Variants in SRRM3 observed in about 807,000 individuals in gnomAD.
SRRM3 encodes serine/arginine repetitive matrix protein 3.
Under a neutral mutation model 66.2 loss-of-function variants are expected in SRRM3, and 27 were observed. The observed-to-expected ratio is 0.41, with a 90% CI of 0.30 to 0.56. The LOEUF (loss-of-function observed/expected upper bound fraction) is 0.56. SRRM3 is among the 20% of genes least tolerant of loss of function. The pLI, the probability that SRRM3 is intolerant of heterozygous loss-of-function variation, is 0.32. For synonymous variants in SRRM3, 391 were observed against 414.9 expected, an observed-to-expected ratio of 0.94 and a Z score of 0.70; for missense variants, 918 against 991.9, an observed-to-expected ratio of 0.93 and a Z score of 1.00.
chr7:76,235,525 T>A (rs1801123306), intron 2 of SRRM3, among the ~76,000 whole-genome samples: 1 of 152,202 alleles, frequency 6.6e-6, no homozygotes, highest in Non-Finnish European at 1.5e-5. Flanking sequence ...GTCCAGCTCA[T>A]CTTTCATTTA....
chr7:76,234,448 G>A (rs1214889209), intron 1 of SRRM3, among the ~76,000 whole-genome samples: 2 of 152,250 alleles, frequency 1.3e-5, no homozygotes, highest in Non-Finnish European at 2.9e-5. Flanking sequence ...TGTTGGCTTT[G>A]GAGAAGTTGG....
chr7:76,248,265 G>C lies in SRRM3; in HGVS notation c.311G>C (p.Arg104Thr), dbSNP rs367848599. The C allele has an allele frequency of 9.3e-6, 15 of 1,613,718 alleles. No homozygotes were observed. In the African/African-American group the frequency reaches 1.7e-4, roughly 19 times the overall value. ...ATGGAGAAGGAGGGAGTGCTCACCA[G>C]GGAGGACCGGCCTGGGGGCCACATG... Reference protein sequence around the residue: ...MLMEKEGVLTREDRPGGHIVA... With the variant: ...MLMEKEGVLTTEDRPGGHIVA... Residue 104 changes from arginine (R) to threonine (T), a missense_variant, in exon 3 of 15, where the codon AGG becomes ACG. Coordinates refer to ENST00000611745, the MANE Select transcript of SRRM3 (RefSeq NM_001110199.3).
At chr7:76,258,680 C>G (rs1419204901) in intron 3 of SRRM3, among the ~76,000 whole-genome samples, 3 of 133,882 alleles carry the variant, frequency 2.2e-5, no homozygotes, top group Non-Finnish European at 3.1e-5. Context: ...TGCCACTGCA[C>G]TCCAGCCTAG....
Position 76,218,046 on chromosome 7 carries a change from A to C in SRRM3, c.-40+15979A>C, listed in dbSNP as rs181252299. Among the ~76,000 whole-genome samples the C allele has an allele frequency of 3.9e-5, 6 of 152,360 alleles. No homozygotes were observed. The East Asian group carries it at 1.2e-3, about 29-fold the overall frequency. ...AGATAAGAGAAACTGAGGCTCAGAA[A>C]GGAAAAGGGATCTGGTTATACAACT... On this transcript the variant is annotated intron_variant, in intron 1 of 14. Transcript: ENST00000611745.
At chr7:76,265,835 TATATATATA>T (rs1802002707) in intron 10 of SRRM3, among the ~76,000 whole-genome samples, 1 of 11,908 alleles carries the variant, frequency 8.4e-5, no homozygotes, top group South Asian at 2.6e-3. Flanking sequence ...TATTTATATA[TATATATATA>T]TATATATATA....
chr7:76,210,940 C>T (rs6946174), intron 1 of SRRM3, among the ~76,000 whole-genome samples: 18,390 of 151,966 alleles, frequency 0.12, 2,238 homozygotes, highest in African/African-American at 0.31. Flanking sequence ...GTAGCTGGGA[C>T]CACAGGCACC....
intron 3 of SRRM3, among the ~76,000 whole-genome samples, chr7:76,250,377 G>A (rs539711957): frequency 3.9e-4 from 60 of 152,146 alleles, no homozygotes; most frequent in Non-Finnish European, 7.2e-4. Context: ...GATTGCAGGC[G>A]CCCACCATGA....
At position 76,286,852 on chromosome 7, in the gene SRRM3, G is replaced by T. The variant is rs935422822; in HGVS notation, c.*1009G>T. ...TGCCCCCAGCCCCACCCAAGAGGAG[G>T]GCAGCGTGTGCCTGTGGTCTGGGAC... is the stretch of plus-strand genomic sequence containing the variant. On this transcript the variant is annotated 3_prime_UTR_variant, in exon 15 of 15. Coordinates refer to ENST00000611745, the MANE Select transcript of SRRM3 (RefSeq NM_001110199.3). 1.3e-5 allele frequency: 2 copies of T among 152,406 alleles called. No homozygotes were observed. The highest frequency in any genetic ancestry group is 6.5e-5 in the Admixed American group (1 of 15,280). The allele number at this position is 152,406 out of a possible 1,614,324, so 9.4% of individuals were successfully genotyped here. A position where few individuals can be genotyped will look rare whatever the true frequency, so the allele number is the denominator to read the frequency against.
intron 2 of SRRM3, among the ~76,000 whole-genome samples, chr7:76,239,123 C>T (rs1554605301): frequency 1.3e-5 from 2 of 152,198 alleles, no homozygotes; most frequent in South Asian, 2.1e-4. Context: ...ACCTCCACCT[C>T]CCAGGTTCAA....
chr7:76,224,292 C>A (rs1361630211), intron 1 of SRRM3, among the ~76,000 whole-genome samples: 1 of 150,312 alleles, frequency 6.7e-6, no homozygotes, highest in East Asian at 2.0e-4. Flanking sequence ...GTTGCCCAGG[C>A]TGGTCTCAAA....
chr7:76,223,461 A>G (rs1233262836), intron 1 of SRRM3, among the ~76,000 whole-genome samples: 1 of 152,196 alleles, frequency 6.6e-6, no homozygotes, highest in Non-Finnish European at 1.5e-5. Context: ...ACACACCTAG[A>G]TTCCTTGGAC....
chr7:76,260,246 T>C, intron 5 of SRRM3, 49 bp downstream of exon 5: 2 of 1,398,572 alleles, frequency 1.4e-6, no homozygotes, highest in Non-Finnish European at 1.9e-6. Context: ...AGGTGGGGTC[T>C]CTCCCCGGAT....
intron 1 of SRRM3, among the ~76,000 whole-genome samples, chr7:76,229,670 A>G (rs1474469590): frequency 1.3e-5 from 2 of 151,560 alleles, no homozygotes; most frequent in African/African-American, 4.9e-5. Context: ...ACCCCATTCC[A>G]ATTTTAGTTT....
chr7:76,276,785 G>A (rs1213789687), intron 11 of SRRM3, among the ~76,000 whole-genome samples: 1 of 152,150 alleles, frequency 6.6e-6, no homozygotes, highest in African/African-American at 2.4e-5. Flanking sequence ...GGGTGGAGAA[G>A]GACATGAGAG....
intron 14 of SRRM3, 49 bp downstream of exon 14, chr7:76,283,150 C>A: frequency 7.4e-7 from 1 of 1,358,762 alleles, no homozygotes; most frequent in Non-Finnish European, 9.4e-7. Context: ...GGGCCGCTGA[C>A]CCGGATCAGG....
At chr7:76,244,639 G>A (rs1354012845) in intron 2 of SRRM3, among the ~76,000 whole-genome samples, 1 of 151,402 alleles carries the variant, frequency 6.6e-6, no homozygotes, top group East Asian at 1.9e-4. Flanking sequence ...TGACTCAACC[G>A]ATTGGTCCCC....
intron 11 of SRRM3, among the ~76,000 whole-genome samples, chr7:76,278,687 A>G (rs1342478193): frequency 2.6e-5 from 4 of 152,186 alleles, no homozygotes; most frequent in African/African-American, 4.8e-5. Flanking sequence ...AGAGGTCTTC[A>G]TGGCCTGATT....
At chr7:76,227,906 G>A (rs1554603878) in intron 1 of SRRM3, among the ~76,000 whole-genome samples, 1 of 152,138 alleles carries the variant, frequency 6.6e-6, no homozygotes, top group Non-Finnish European at 1.5e-5. Flanking sequence ...ATCTCACTCT[G>A]TCACCCAGGC....
intron 1 of SRRM3, among the ~76,000 whole-genome samples, chr7:76,212,927 C>A (rs192611006): frequency 1.1e-4 from 17 of 151,048 alleles, no homozygotes; most frequent in Admixed American, 7.9e-4. Context: ...ACATCTTCTG[C>A]GTGATGTCCT....
Sources: allele counts gnomAD v4.1 joint callset (sites outside exome capture counted in the v4.1 genomes callset), GRCh38; gene constraint gnomAD v4.1.1; transcripts MANE v1.5; gene names NCBI Gene and HGNC (gene_info 2026-07-23, HGNC 2026-07-21).